GNAL: variants seen among roughly 807,000 people sequenced by gnomAD.
GNAL encodes G protein subunit alpha L, also known as guanine nucleotide-binding protein G(olf) subunit alpha.
In GNAL, 18 loss-of-function variants were observed where a neutral mutation model predicts 55.1. That is an observed-to-expected ratio of 0.33 (90% confidence interval 0.23 to 0.48). The LOEUF (loss-of-function observed/expected upper bound fraction) is 0.48, where lower values mean the gene tolerates loss of function less well. Ranked by LOEUF, GNAL falls within the 20% of genes least tolerant of loss-of-function variation. GNAL has a pLI of 0.99. For synonymous variants in GNAL, 253 were observed against 237.0 expected (o/e 1.07, Z -0.62); for missense variants, 412 against 614.1 (o/e 0.67, Z 3.48).
chr18:11,824,620 G>A (rs2035191026), intron 4 of GNAL, among the ~76,000 whole-genome samples: 2 of 151,988 alleles, frequency 1.3e-5, no homozygotes, highest in African/African-American at 2.4e-5. Context: ...CCTGGGAGGC[G>A]GAGGTTGCGG....
chr18:11,735,044 A>G lies in GNAL; in HGVS notation c.377-17809A>G, dbSNP rs114319454. The stretch of plus-strand genomic sequence containing the variant: ...GTGGGCATTTGATAAGGTTTTGTTT[A>G]TTGTTTTTGTGGGGGTTTTTTTTGA... On this transcript the variant is annotated intron_variant, in intron 1 of 11. Coordinates refer to ENST00000334049, the MANE Select transcript of GNAL (RefSeq NM_182978.4). 8.7e-3 allele frequency among the ~76,000 whole-genome samples: 1,296 copies of G among 149,782 alleles called. 18 individuals are homozygous for G. Among genetic ancestry groups the G allele is most frequent in the African/African-American group, 0.03 (1,233 of 40,556 alleles).
chr18:11,837,110 C>A (rs184535177), intron 5 of GNAL, among the ~76,000 whole-genome samples: 1 of 152,230 alleles, frequency 6.6e-6, no homozygotes, highest in East Asian at 1.9e-4. Flanking sequence ...CATGCCACCA[C>A]GCCCAGTTAA....
intron 1 of GNAL, among the ~76,000 whole-genome samples, chr18:11,703,503 A>G (rs1219799723): frequency 6.6e-6 from 1 of 152,034 alleles, no homozygotes; most frequent in Non-Finnish European, 1.5e-5. Context: ...CAGTTATGTG[A>G]CTCTTTATCT....
chr18:11,738,413 G>A (rs958981951), intron 1 of GNAL, among the ~76,000 whole-genome samples: 1 of 152,020 alleles, frequency 6.6e-6, no homozygotes, highest in Non-Finnish European at 1.5e-5. Context: ...CCTGAGGGGA[G>A]GGCTGTCATC....
chr18:11,844,010 G>A (rs1466014249), intron 5 of GNAL, among the ~76,000 whole-genome samples: 1 of 152,090 alleles, frequency 6.6e-6, no homozygotes, highest in African/African-American at 2.4e-5. Flanking sequence ...TGGCCGAAAA[G>A]TTTAATTACA....
At chr18:11,745,089 C>T (rs571370007) in intron 1 of GNAL, among the ~76,000 whole-genome samples, 14 of 152,316 alleles carry the variant, frequency 9.2e-5, no homozygotes, top group African/African-American at 3.4e-4. Context: ...ATAAAGACTA[C>T]AGAAGACCAG....
At chr18:11,860,743 T>C (rs146972630) in intron 5 of GNAL, among the ~76,000 whole-genome samples, 2 of 152,290 alleles carry the variant, frequency 1.3e-5, no homozygotes, top group Non-Finnish European at 2.9e-5. Context: ...GGTGGGTTTG[T>C]ACAGATCAGT....
chr18:11,816,570 A>G (rs2034960402), intron 4 of GNAL, among the ~76,000 whole-genome samples: 1 of 152,166 alleles, frequency 6.6e-6, no homozygotes, highest in South Asian at 2.1e-4. Context: ...CTGGGATTAT[A>G]GGCATGAGCC....
At chr18:11,739,632 C>T (rs2032533454) in intron 1 of GNAL, among the ~76,000 whole-genome samples, 1 of 151,910 alleles carries the variant, frequency 6.6e-6, no homozygotes, top group Non-Finnish European at 1.5e-5. Flanking sequence ...GAATACAGGT[C>T]CCTTTCCTTT....
chr18:11,765,675 G>A (rs2033383034), intron 4 of GNAL, among the ~76,000 whole-genome samples: 1 of 152,166 alleles, frequency 6.6e-6, no homozygotes, highest in East Asian at 1.9e-4. Flanking sequence ...TTGTCTTCCT[G>A]TGCTTGGCTT....
At chr18:11,855,312 A>C (rs575263526) in intron 5 of GNAL, among the ~76,000 whole-genome samples, 1 of 152,332 alleles carries the variant, frequency 6.6e-6, no homozygotes, top group South Asian at 2.1e-4. Context: ...TCCCTACACC[A>C]AAGATGGATA....
intron 1 of GNAL, chr18:11,745,993 G>T: frequency 3.5e-6 from 1 of 283,710 alleles, no homozygotes; most frequent in South Asian, 3.5e-5. Flanking sequence ...AAGTGTTCTT[G>T]GGCAGAGATA....
At chr18:11,879,754 AGGTGGTCCCCACAAACCAT>A in intron 11 of GNAL, among the ~76,000 whole-genome samples, 1 of 152,106 alleles carries the variant, frequency 6.6e-6, no homozygotes, top group Admixed American at 6.5e-5. Context: ...CACATCACTG[AGGTGGTCCCCACAAACCAT>A]GATTCGTAAT....
At chr18:11,811,275 T>G (rs73405493) in intron 4 of GNAL, 10,734 of 153,802 alleles carry the variant, frequency 0.07, 608 homozygotes, top group African/African-American at 0.15. Context: ...TTGTCCTCCC[T>G]GACACCACAT....
chr18:11,691,198 C>T (rs2031237068), intron 1 of GNAL, among the ~76,000 whole-genome samples: 1 of 151,948 alleles, frequency 6.6e-6, no homozygotes, highest in South Asian at 2.1e-4. Context: ...ATTTGCATTT[C>T]TCTGATGGCC....
chr18:11,832,624 G>A (rs1478956181), intron 5 of GNAL, among the ~76,000 whole-genome samples: 1 of 152,164 alleles, frequency 6.6e-6, no homozygotes, highest in East Asian at 1.9e-4. Flanking sequence ...TTGGGAGGCC[G>A]AGGTGGGCTA....
At chr18:11,746,339 G>A (rs1016155329) in intron 1 of GNAL, 5 of 319,668 alleles carry the variant, frequency 1.6e-5, no homozygotes, top group Non-Finnish European at 3.1e-5. Context: ...GCCAGGTGCA[G>A]TGGCTCACAC....
intron 1 of GNAL, among the ~76,000 whole-genome samples, chr18:11,706,549 A>G (rs1181109405): frequency 2.0e-5 from 3 of 152,202 alleles, no homozygotes; most frequent in Admixed American, 6.5e-5. Context: ...TATCTGCAGC[A>G]TGTGATGCTT....
At chr18:11,768,972 T>TA (rs1474860704) in intron 4 of GNAL, among the ~76,000 whole-genome samples, 3 of 105,140 alleles carry the variant, frequency 2.9e-5, no homozygotes, top group Non-Finnish European at 5.0e-5. Context: ...TAATATATTA[T>TA]ATATATTATA....
Sources: gnomAD v4.1 joint callset for allele counts (sites outside exome capture counted in the v4.1 genomes callset) on GRCh38, gnomAD v4.1.1 for gene constraint, MANE v1.5 for transcripts, NCBI Gene and HGNC (gene_info 2026-07-23, HGNC 2026-07-21) for gene names.